SUGT1: variants seen among roughly 807,000 people sequenced by gnomAD.
SUGT1 encodes protein SGT1 homolog.
In SUGT1, 15 loss-of-function variants were observed where a neutral mutation model predicts 56.1. The observed-to-expected ratio is 0.27, with a 90% CI of 0.18 to 0.41. The LOEUF (loss-of-function observed/expected upper bound fraction) is 0.41, where lower values mean the gene tolerates loss of function less well. Ranked by LOEUF, SUGT1 falls within the 10% of genes least tolerant of loss-of-function variation. The pLI is 1.00. For missense variants in SUGT1, 347 were observed against 382.2 expected, an observed-to-expected ratio of 0.91 and a Z score of 0.77; for synonymous variants, 123 against 128.6, an observed-to-expected ratio of 0.96 and a Z score of 0.30.
intron 10 of SUGT1, among the ~76,000 whole-genome samples, chr13:52,667,192 A>G (rs182807981): frequency 1.3e-5 from 2 of 152,362 alleles, no homozygotes; most frequent in Middle Eastern, 3.4e-3. Context: ...TTAAAAAGAT[A>G]CAATAATCAG....
In SUGT1 at chr13:52,676,294, T is replaced by A. The variant is rs1412743127; in HGVS notation, c.692T>A (p.Val231Glu). Residue 231 changes from valine (V) to glutamate (E), a missense_variant, in exon 11 of 13, where the codon GTG (valine) becomes GAG (glutamate). Coordinates refer to ENST00000310528, the MANE Select transcript of SUGT1 (RefSeq NM_006704.5). ...RWEKLEGQGDVPTPKQFVADV... is the reference protein window; with the variant it reads ...RWEKLEGQGDEPTPKQFVADV... ...GAAAAGCTAGAGGGGCAAGGAGATG[T>A]GCCTACGCCAAAACAATTCGTAGCA... 6.2e-7 allele frequency: 1 copy of A among 1,613,092 alleles called. No individual in the cohort carries two copies. The highest frequency in any genetic ancestry group is 8.5e-7 in the Non-Finnish European group (1 of 1,179,510).
intron 11 of SUGT1, among the ~76,000 whole-genome samples, chr13:52,679,024 A>G (rs1190384263): frequency 6.6e-6 from 1 of 152,148 alleles, no homozygotes; most frequent in African/African-American, 2.4e-5. Flanking sequence ...TTGATATATC[A>G]GGTTAAATAA....
In SUGT1 at chr13:52,681,851, G is replaced by A. The variant is rs78105029; in HGVS notation, c.900+1696G>A. On this transcript the variant is annotated intron_variant, in intron 12 of 12. Coordinates refer to ENST00000310528, the MANE Select transcript of SUGT1 (RefSeq NM_006704.5). Reference sequence around the variant, plus strand: ...CCTATCTCTTTAAAAAAAAAAAAAAGAGAGAGAGAGAGATAGAACATTTTC... The same window carrying A: ...CCTATCTCTTTAAAAAAAAAAAAAAAAGAGAGAGAGAGATAGAACATTTTC... 7.0e-3 allele frequency among the ~76,000 whole-genome samples: 348 copies of A among 49,936 alleles called. 3 individuals are homozygous for A. Among genetic ancestry groups the A allele is most frequent in the African/African-American group, 0.026 (326 of 12,684 alleles). 32.8% of individuals were successfully genotyped at this position (49,936 alleles called of 152,430 possible).
At chr13:52,680,247 C>G in intron 12 of SUGT1, 92 bp downstream of exon 12, 3 of 1,246,458 alleles carry the variant, frequency 2.4e-6, no homozygotes, top group Non-Finnish European at 3.3e-6. Context: ...ATTGCGTGTA[C>G]TATAGCTGGG....
rs1416670006 is a variant in SUGT1 at position 52,665,678 on chromosome 13, T to G, written c.464T>G (p.Leu155Arg). 1 of 1,608,188 alleles carries G rather than the reference T, an allele frequency of 6.2e-7. No homozygotes were observed. The highest frequency in any genetic ancestry group is 8.5e-7 in the Non-Finnish European group (1 of 1,178,260). Residue 155 changes from leucine (L) to arginine (R), a missense_variant, in exon 9 of 13, where the codon CTT becomes CGT. By Grantham distance (102) the Leu-to-Arg change is moderately radical. Coordinates refer to ENST00000310528, the MANE Select transcript of SUGT1 (RefSeq NM_006704.5). The stretch of plus-strand genomic sequence containing the variant: ...ACAGAATCTCAAGTAGTCATTACAC[T>G]TATGATCAAGAATGTTCAGAAGAAT... Reference protein sequence around the residue: ...YQTESQVVITLMIKNVQKNDV... With the variant: ...YQTESQVVITRMIKNVQKNDV...
intron 5 of SUGT1, 86 bp from the exon 6 acceptor site, chr13:52,662,563 C>T (rs1234884234): frequency 7.1e-7 from 1 of 1,410,638 alleles, no homozygotes; most frequent in African/African-American, 1.4e-5. Flanking sequence ...AGAACACTGC[C>T]TGGGATGTAG....
intron 2 of SUGT1, among the ~76,000 whole-genome samples, chr13:52,654,679 T>C (rs1322506830): frequency 6.6e-6 from 1 of 152,228 alleles, no homozygotes; most frequent in African/African-American, 2.4e-5. Context: ...ATAAACAGAA[T>C]CATACAGTAG....
intron 10 of SUGT1, among the ~76,000 whole-genome samples, chr13:52,671,891 A>G (rs1962959691): frequency 6.6e-6 from 1 of 152,194 alleles, no homozygotes. Context: ...TTCTTAGGAA[A>G]TAAGTTAAAA....
intron 2 of SUGT1, 71 bp from the exon 3 acceptor site, chr13:52,657,461 A>G: frequency 1.6e-6 from 2 of 1,288,240 alleles, no homozygotes; most frequent in Middle Eastern, 1.8e-4. Flanking sequence ...TTGATTAAAA[A>G]TTATGTTTTA....
In SUGT1 at chr13:52,665,613, A is replaced by G. The variant is rs762688394; in HGVS notation, c.423-24A>G. 1.6e-5 allele frequency: 24 copies of G among 1,465,138 alleles called. No individual in the cohort carries two copies. The Admixed American group carries it at 5.7e-4, about 35-fold the overall frequency. The allele number at this position is 1,465,138 out of a possible 1,614,324, so 90.8% of individuals were successfully genotyped here. ...TTTAAAAAAATTAGAAGAGTTACCT[A>G]AGTTTCTTTTTTTTTTTTAATAGGT... On this transcript the variant is annotated intron_variant, in intron 8 of 12. Coordinates refer to ENST00000310528, the MANE Select transcript of SUGT1 (RefSeq NM_006704.5).
chr13:52,685,112 G>C (rs903993807), intron 12 of SUGT1, among the ~76,000 whole-genome samples: 1 of 149,688 alleles, frequency 6.7e-6, no homozygotes, highest in African/African-American at 2.5e-5. Context: ...TATTGTTCCA[G>C]CTGGAATACA....
chr13:52,654,164 G>C (rs376899967), intron 2 of SUGT1, among the ~76,000 whole-genome samples: 1 of 152,186 alleles, frequency 6.6e-6, no homozygotes, highest in Non-Finnish European at 1.5e-5. Flanking sequence ...GGTCCTATAA[G>C]GCCTTTTAGG....
rs1963929224 is a variant in SUGT1, at chr13:52,696,312, G to GC, written c.*8480dup. ...ACTCTTGTGGAACTCCCCTCTCCAT[G>GC]CCCTCTACTGAAATGCATTGCCACT... On this transcript the variant is annotated 3_prime_UTR_variant, in exon 13 of 13. Coordinates refer to ENST00000310528, the MANE Select transcript of SUGT1 (RefSeq NM_006704.5). The GC allele has an allele frequency of 6.6e-6, 1 of 152,150 alleles. No individual in the cohort carries two copies. The highest frequency in any genetic ancestry group is 2.4e-5 in the African/African-American group (1 of 41,428). 9.4% of individuals were successfully genotyped at this position (152,150 alleles called of 1,614,324 possible).
At position 52,676,291 on chromosome 13, in the gene SUGT1, A is replaced by G. The variant is rs760965381; in HGVS notation, c.689A>G (p.Asp230Gly). 3 of 1,613,198 alleles carry G rather than the reference A, an allele frequency of 1.9e-6. No homozygotes were observed. The highest frequency in any genetic ancestry group is 1.7e-6 in the Non-Finnish European group (2 of 1,179,544). ...VRWEKLEGQG[D>G]VPTPKQFVAD... is the part of the protein sequence containing the mutation. ...TGGGAAAAGCTAGAGGGGCAAGGAG[A>G]TGTGCCTACGCCAAAACAATTCGTA... Residue 230 changes from aspartate to glycine, a missense_variant, in exon 11 of 13, where the codon GAT becomes GGT. By Grantham distance (94) the Asp-to-Gly change is moderately conservative. Coordinates refer to ENST00000310528, the MANE Select transcript of SUGT1 (RefSeq NM_006704.5).
intron 10 of SUGT1, 73 bp from the exon 11 acceptor site, chr13:52,676,157 T>G: frequency 7.9e-7 from 1 of 1,273,588 alleles, no homozygotes; most frequent in Admixed American, 2.4e-5. Context: ...TTTGATGACT[T>G]AAGAAAACTG....
intron 5 of SUGT1, among the ~76,000 whole-genome samples, chr13:52,659,469 T>TA (rs1051183536): frequency 9.9e-5 from 15 of 151,974 alleles, no homozygotes; most frequent in South Asian, 4.2e-4. Flanking sequence ...CCATTAGAAG[T>TA]AAAAAAAACT....
intron 2 of SUGT1, among the ~76,000 whole-genome samples, chr13:52,655,729 G>T (rs1357812487): frequency 6.6e-6 from 1 of 152,058 alleles, no homozygotes; most frequent in Non-Finnish European, 1.5e-5. Context: ...CTTCAGCATG[G>T]GGGAATAGGT....
At position 52,699,271 on chromosome 13, in the gene SUGT1, A is replaced by T. The variant is rs1964020513; in HGVS notation, c.*11436A>T. Reference sequence around the variant, plus strand: ...ACAGCACATGATGAAAGAAAATCAAATGTTTGTTTCAATCAAAGTGAAACA... The same window carrying T: ...ACAGCACATGATGAAAGAAAATCAATTGTTTGTTTCAATCAAAGTGAAACA... On this transcript the variant is annotated 3_prime_UTR_variant, in exon 13 of 13. Coordinates refer to ENST00000310528, the MANE Select transcript of SUGT1 (RefSeq NM_006704.5). 1 of 152,192 alleles carries T rather than the reference A, an allele frequency of 6.6e-6. No homozygotes were observed. The highest frequency in any genetic ancestry group is 2.4e-5 in the African/African-American group (1 of 41,440). The allele number at this position is 152,192 out of a possible 1,614,324, so 9.4% of individuals were successfully genotyped here.
At chr13:52,662,433 A>ACT (rs2138120559) in intron 5 of SUGT1, among the ~76,000 whole-genome samples, 2 of 152,364 alleles carry the variant, frequency 1.3e-5, no homozygotes, top group East Asian at 3.9e-4. Flanking sequence ...TTTTTAAAAA[A>ACT]TCAAAATGTT....
Sources: gnomAD v4.1 joint callset for allele counts (sites outside exome capture counted in the v4.1 genomes callset) on GRCh38, gnomAD v4.1.1 for gene constraint, MANE v1.5 for transcripts, NCBI Gene and HGNC (gene_info 2026-07-23, HGNC 2026-07-21) for gene names.